Variants in SAMTOR observed in about 807,000 individuals in gnomAD.
SAMTOR encodes the protein UPF0532 protein C7orf60.
chr7:112,840,410 G>T, the SAMTOR span, among the ~76,000 whole-genome samples: 1 of 151,628 alleles, frequency 6.6e-6, no homozygotes, highest in Non-Finnish European at 1.5e-5. Context: ...TTCCATTTGG[G>T]ATCACTTTTT....
At chr7:112,936,236 C>T in the SAMTOR span, among the ~76,000 whole-genome samples, 1 of 152,144 alleles carries the variant, frequency 6.6e-6, no homozygotes, top group Non-Finnish European at 1.5e-5. Context: ...TCTTAACTAT[C>T]AATGGCAGAC....
At chr7:112,865,128 G>A in the SAMTOR span, among the ~76,000 whole-genome samples, 5 of 152,196 alleles carry the variant, frequency 3.3e-5, no homozygotes, top group African/African-American at 9.6e-5. Flanking sequence ...TAAAATTAAC[G>A]CTATACTCTT....
chr7:112,828,273 T>G, the SAMTOR span, among the ~76,000 whole-genome samples: 6 of 152,224 alleles, frequency 3.9e-5, no homozygotes, highest in African/African-American at 1.4e-4. Flanking sequence ...TTCTGGAGGC[T>G]TAGAAGTCTG....
the SAMTOR span, among the ~76,000 whole-genome samples, chr7:112,855,621 C>G: frequency 5.3e-4 from 81 of 152,210 alleles, no homozygotes; most frequent in Non-Finnish European, 8.2e-4. Context: ...ATCACTGCCC[C>G]CTCCGTTTTC....
At chr7:112,832,968 G>A in the SAMTOR span, among the ~76,000 whole-genome samples, 1 of 152,074 alleles carries the variant, frequency 6.6e-6, no homozygotes, top group Non-Finnish European at 1.5e-5. Flanking sequence ...ATTGAGACAA[G>A]GTCTTGCTGT....
the SAMTOR span, among the ~76,000 whole-genome samples, chr7:112,833,563 A>G: frequency 6.6e-6 from 1 of 152,186 alleles, no homozygotes. Context: ...TTCCCTAGTA[A>G]AAGCAGAATT....
chr7:112,832,401 G>A, the SAMTOR span, among the ~76,000 whole-genome samples: 1 of 152,090 alleles, frequency 6.6e-6, no homozygotes, highest in African/African-American at 2.4e-5. Context: ...ACAATATTTG[G>A]TTAAATGCTC....
the SAMTOR span, among the ~76,000 whole-genome samples, chr7:112,850,623 A>G: frequency 5.3e-5 from 8 of 152,062 alleles, no homozygotes; most frequent in Non-Finnish European, 8.8e-5. Flanking sequence ...TCCTGGTTCA[A>G]TGTTGCAGGG....
chr7:112,902,432 A>AAC, the SAMTOR span, among the ~76,000 whole-genome samples: 52 of 110,982 alleles, frequency 4.7e-4, 6 homozygotes, highest in Middle Eastern at 0.017. Context: ...AAAAAAACAA[A>AAC]AAAAAACAAA....
chr7:112,917,172 C>A, the SAMTOR span, among the ~76,000 whole-genome samples: 1 of 152,208 alleles, frequency 6.6e-6, no homozygotes, highest in African/African-American at 2.4e-5. Flanking sequence ...TGACCCCTGA[C>A]CCCCGAGCAG....
the SAMTOR span, among the ~76,000 whole-genome samples, chr7:112,838,016 C>G: frequency 6.6e-6 from 1 of 151,898 alleles, no homozygotes; most frequent in Non-Finnish European, 1.5e-5. Context: ...ACTTCAACAC[C>G]ATATGTGGGG....
chr7:112,833,083 C>T, the SAMTOR span, among the ~76,000 whole-genome samples: 1 of 152,074 alleles, frequency 6.6e-6, no homozygotes, highest in East Asian at 1.9e-4. Flanking sequence ...GCTCCCCCAC[C>T]CCCAACCCCC....
At chr7:112,922,713 C>T in the SAMTOR span, among the ~76,000 whole-genome samples, 5 of 149,480 alleles carry the variant, frequency 3.3e-5, no homozygotes, top group East Asian at 2.0e-4. Flanking sequence ...GGAGCCCCTC[C>T]GCCCGGCAGC....
the SAMTOR span, among the ~76,000 whole-genome samples, chr7:112,843,635 T>C: frequency 0.02 from 3,101 of 152,020 alleles, 53 homozygotes; most frequent in South Asian, 0.046. Context: ...AGCTCTACAG[T>C]TGAATCAGTA....
At chr7:112,939,334 G>C in the SAMTOR span, 2 of 559,538 alleles carry the variant, frequency 3.6e-6, no homozygotes, top group Middle Eastern at 4.8e-4. Context: ...TGGGGACAGG[G>C]GCTTGGAGGG....
chr7:112,833,818 C>G, the SAMTOR span, among the ~76,000 whole-genome samples: 1 of 152,108 alleles, frequency 6.6e-6, no homozygotes, highest in African/African-American at 2.4e-5. Context: ...TGGCTTCGCT[C>G]CTTAATTTTT....
At chr7:112,939,680 G>A in the SAMTOR span, 4 of 1,613,118 alleles carry the variant, frequency 2.5e-6, no homozygotes, top group African/African-American at 2.7e-5. Flanking sequence ...CTGCTCCCGG[G>A]GCGGCGGAGT....
chr7:112,835,214 TTATCTG>T, the SAMTOR span, among the ~76,000 whole-genome samples: 1 of 152,104 alleles, frequency 6.6e-6, no homozygotes, highest in East Asian at 1.9e-4. Context: ...TCTCGATTGT[TTATCTG>T]TATATTATTT....
chr7:112,907,066 G>C, the SAMTOR span, among the ~76,000 whole-genome samples: 2 of 152,038 alleles, frequency 1.3e-5, no homozygotes, highest in Non-Finnish European at 2.9e-5. Flanking sequence ...GTGAGATGGG[G>C]GTATGGAGAG....
Sources: allele counts gnomAD v4.1 joint callset (sites outside exome capture counted in the v4.1 genomes callset), GRCh38; gene constraint gnomAD v4.1.1; transcripts MANE v1.5; gene names NCBI Gene and HGNC (gene_info 2026-07-23, HGNC 2026-07-21).